VIT: variants seen among roughly 807,000 people sequenced by gnomAD.
The protein encoded by VIT is vitrin.
VIT carries 99 observed loss-of-function variants against 78.0 expected under a neutral mutation model. The observed-to-expected ratio is 1.27, with a 90% CI of 1.08 to 1.50. The LOEUF is 1.50. Ranked by LOEUF, VIT falls within the 40% of genes most tolerant of loss-of-function variation. The pLI is 0.00. For missense variants in VIT, 1,126 were observed against 875.3 expected (o/e 1.29, Z -3.61); for synonymous variants, 374 against 334.3 (o/e 1.12, Z -1.29).
chr2:36,795,384 A>ATATTTTATCT (rs70946949), intron 12 of VIT, among the ~76,000 whole-genome samples: 2 of 148,182 alleles, frequency 1.3e-5, no homozygotes, highest in Non-Finnish European at 3.0e-5. Context: ...ATTTTATTTT[A>ATATTTTATCT]TATTTTATTT....
chr2:36,783,525 C>G, intron 11 of VIT, 123 bp downstream of exon 11: 2 of 876,870 alleles, frequency 2.3e-6, no homozygotes, highest in Non-Finnish European at 3.6e-6. Flanking sequence ...TATCTCCTCT[C>G]TTCTGACACC....
chr2:36,785,208 A>G (rs769067583), intron 11 of VIT, among the ~76,000 whole-genome samples: 75 of 152,238 alleles, frequency 4.9e-4, no homozygotes, highest in Non-Finnish European at 1.5e-4. Context: ...CTGGAAGGGA[A>G]ACTCCACCTC....
At chr2:36,758,401 CT>C (rs1668896361) in intron 5 of VIT, among the ~76,000 whole-genome samples, 1 of 152,182 alleles carries the variant, frequency 6.6e-6, no homozygotes, top group Admixed American at 6.5e-5. Context: ...TTTTTTTATG[CT>C]TATTTTTTTC....
At chr2:36,700,711 G>T (rs1184125975) in intron 1 of VIT, among the ~76,000 whole-genome samples, 1 of 151,674 alleles carries the variant, frequency 6.6e-6, no homozygotes, top group Non-Finnish European at 1.5e-5. Context: ...ACTCCAGCCT[G>T]GGTGACACAG....
intron 14 of VIT, among the ~76,000 whole-genome samples, chr2:36,807,124 G>T (rs1042703501): frequency 5.9e-5 from 9 of 152,086 alleles, no homozygotes; most frequent in Non-Finnish European, 1.3e-4. Flanking sequence ...CCCCTCCCCA[G>T]TTCAAGCTGG....
chr2:36,781,237 T>C (rs1664731137), intron 9 of VIT, among the ~76,000 whole-genome samples: 1 of 152,174 alleles, frequency 6.6e-6, no homozygotes, highest in Non-Finnish European at 1.5e-5. Context: ...ATTAGGCATA[T>C]AGTGAGTGCT....
chr2:36,801,241 G>T, intron 12 of VIT, 60 bp from the exon 13 acceptor site: 2 of 1,425,444 alleles, frequency 1.4e-6, no homozygotes, highest in Non-Finnish European at 2.0e-6. Flanking sequence ...CATGATCTCT[G>T]CCTTCCTCCA....
At chr2:36,702,274 A>G (rs1665108791) in intron 1 of VIT, among the ~76,000 whole-genome samples, 1 of 152,092 alleles carries the variant, frequency 6.6e-6, no homozygotes, top group South Asian at 2.1e-4. Context: ...TGCGCTTTGG[A>G]CAAGCAGACA....
intron 9 of VIT, among the ~76,000 whole-genome samples, chr2:36,779,037 C>T (rs78293267): frequency 1.6e-3 from 237 of 152,286 alleles, no homozygotes; most frequent in African/African-American, 5.5e-3. Flanking sequence ...GGAGCTGGAA[C>T]CAGCACCAAG....
At chr2:36,759,287 T>G in intron 6 of VIT, 5 of 1,458,460 alleles carry the variant, frequency 3.4e-6, no homozygotes, top group Non-Finnish European at 1.8e-6. Flanking sequence ...ATTTGTGTCA[T>G]TTTCATTCAG....
intron 4 of VIT, among the ~76,000 whole-genome samples, chr2:36,746,658 T>C (rs1384716535): frequency 1.3e-5 from 2 of 152,150 alleles, no homozygotes; most frequent in African/African-American, 2.4e-5. Flanking sequence ...ATCTTTGTCA[T>C]TTCAGATTGT....
At chr2:36,720,904 G>C (rs1393498238) in intron 2 of VIT, among the ~76,000 whole-genome samples, 1 of 152,082 alleles carries the variant, frequency 6.6e-6, no homozygotes, top group African/African-American at 2.4e-5. Flanking sequence ...AAGCTACTTG[G>C]GAGGCTGAGG....
chr2:36,808,552 G>T lies in VIT; in HGVS notation c.1470G>T (p.Val490=). 1 of 1,614,138 alleles carries T rather than the reference G, an allele frequency of 6.2e-7. No homozygotes were observed. Among genetic ancestry groups the T allele is most frequent in the South Asian group, 1.1e-5 (1 of 91,086 alleles). ...FGLHKTLQPL[V]KRVCDTDRLA... The stretch of plus-strand genomic sequence containing the variant: ...TCCACAAGACCCTGCAGCCTCTGGT[G>T]AAGCGGGTCTGCGACACTGACCGCC... The change falls in exon 15 of 16, where the codon GTG becomes GTT. Residue 490 remains valine, a synonymous_variant. Transcript: ENST00000379242.
At chr2:36,757,593 G>A (rs954729868) in intron 5 of VIT, among the ~76,000 whole-genome samples, 9 of 152,214 alleles carry the variant, frequency 5.9e-5, no homozygotes, top group African/African-American at 1.9e-4. Flanking sequence ...GTCATTTGGA[G>A]CAGGCCTTGA....
At position 36,765,053 on chromosome 2, in the gene VIT, T is replaced by C. The variant is rs145798763; in HGVS notation, c.488-2041T>C. On this transcript the variant is annotated intron_variant, in intron 6 of 15. Transcript: ENST00000379242. ...CACCCTGGAAAAGATATCCATGTCC[T>C]AATCCCTGGAACCATTGAATGTTTC... is the stretch of plus-strand genomic sequence containing the variant. Among the ~76,000 whole-genome samples the C allele has an allele frequency of 3.8e-4, 58 of 152,238 alleles. 1 individual carries two copies. The highest frequency in any genetic ancestry group is 1.3e-3 in the African/African-American group (54 of 41,534).
chr2:36,752,042 A>G (rs553634119), intron 4 of VIT, among the ~76,000 whole-genome samples: 9 of 152,218 alleles, frequency 5.9e-5, no homozygotes, highest in Non-Finnish European at 1.2e-4. Context: ...GACTGGAGAC[A>G]GTATACTTTG....
intron 13 of VIT, among the ~76,000 whole-genome samples, chr2:36,804,827 T>C (rs1666588692): frequency 6.7e-6 from 1 of 148,756 alleles, no homozygotes; most frequent in South Asian, 2.1e-4. Flanking sequence ...AGAATCTGTC[T>C]CAGGGAAAAA....
intron 14 of VIT, among the ~76,000 whole-genome samples, chr2:36,807,586 TC>T (rs1445333344): frequency 6.6e-6 from 1 of 152,240 alleles, no homozygotes; most frequent in Non-Finnish European, 1.5e-5. Context: ...TCTAAAATAA[TC>T]TTTTAATTAT....
intron 1 of VIT, among the ~76,000 whole-genome samples, chr2:36,699,919 C>T (rs1004710907): frequency 6.6e-6 from 1 of 152,160 alleles, no homozygotes; most frequent in African/African-American, 2.4e-5. Context: ...TACTTAAAGT[C>T]TCTTGGCCTC....
Sources: allele counts gnomAD v4.1 joint callset (sites outside exome capture counted in the v4.1 genomes callset), GRCh38; gene constraint gnomAD v4.1.1; transcripts MANE v1.5; gene names NCBI Gene and HGNC (gene_info 2026-07-23, HGNC 2026-07-21).